The following YME1L1 variants were observed in gnomAD, a reference collection of about 807,000 sequenced individuals.
YME1L1 encodes YME1 like 1 ATPase, also known as ATP-dependent zinc metalloprotease YME1L1.
YME1L1 carries 39 observed loss-of-function variants against 90.4 expected under a neutral mutation model. The observed-to-expected ratio is 0.43, with a 90% confidence interval of 0.33 to 0.56. The LOEUF is 0.56. Ranked by LOEUF, YME1L1 falls within the 20% of genes least tolerant of loss-of-function variation. The pLI, the probability that YME1L1 is intolerant of heterozygous loss-of-function variation, is 0.03. For missense variants in YME1L1, 617 were observed against 868.4 expected (o/e 0.71, Z 3.64); for synonymous variants, 284 against 287.3 (o/e 0.99, Z 0.12).
rs1371803853 is a variant in YME1L1 at position 27,134,884 on chromosome 10, G to A, written c.638C>T (p.Thr213Ile). 2 of 1,614,062 alleles carry A rather than the reference G, an allele frequency of 1.2e-6. No individual in the cohort carries two copies. The highest frequency in any genetic ancestry group is 8.5e-7 in the Non-Finnish European group (1 of 1,179,994). ...IPEAHQDAFK[T>I]GFAEGFLKAQ... is the part of the protein sequence containing the mutation. ...TTTCAGAAAACCTTCCGCAAAACCA[G>A]TTTTAAATGCATCTTGGTGAGCTTC... The change falls in exon 6 of 19, where the codon ACT (threonine) becomes ATT (isoleucine). Residue 213 changes from threonine (T) to isoleucine (I), a missense_variant. Coordinates refer to ENST00000376016, the MANE Select transcript of YME1L1 (RefSeq NM_014263.4).
At chr10:27,133,398 A>G (rs1478658483) in intron 7 of YME1L1, among the ~76,000 whole-genome samples, 1 of 152,220 alleles carries the variant, frequency 6.6e-6, no homozygotes, top group East Asian at 1.9e-4. Context: ...TTTCCTCAGA[A>G]GAAGCCCAAA....
chr10:27,130,086 CCT>C (rs2056961711), intron 8 of YME1L1, among the ~76,000 whole-genome samples: 1 of 152,180 alleles, frequency 6.6e-6, no homozygotes, highest in Non-Finnish European at 1.5e-5. Context: ...GAATTTAACC[CCT>C]GCTACTCCAC....
chr10:27,129,104 A>AC (rs2056951141), intron 8 of YME1L1: 1 of 150,068 alleles, frequency 6.7e-6, no homozygotes, highest in South Asian at 2.1e-4. Flanking sequence ...AAAAAAAAAA[A>AC]AAAAAAAAAC....
chr10:27,151,278 G>GCC (rs1308269844), intron 1 of YME1L1, among the ~76,000 whole-genome samples: 1 of 152,162 alleles, frequency 6.6e-6, no homozygotes, highest in Non-Finnish European at 1.5e-5. Context: ...CTGGATCAGG[G>GCC]CCCACTTCCA....
chr10:27,115,929 G>T, intron 17 of YME1L1, 131 bp downstream of exon 17: 1 of 829,850 alleles, frequency 1.2e-6, no homozygotes, highest in Non-Finnish European at 1.9e-6. Flanking sequence ...ACAATGTTCA[G>T]AATAAAGAGC....
intron 4 of YME1L1, among the ~76,000 whole-genome samples, chr10:27,140,705 C>CT (rs1406393838): frequency 1.3e-5 from 2 of 151,968 alleles, no homozygotes; most frequent in African/African-American, 4.8e-5. Flanking sequence ...TCTTGAACTT[C>CT]TGACCTTGTG....
chr10:27,135,379 A>C (rs1489623202), intron 5 of YME1L1, among the ~76,000 whole-genome samples: 1 of 152,232 alleles, frequency 6.6e-6, no homozygotes, highest in Non-Finnish European at 1.5e-5. Context: ...GTAAAGATAA[A>C]TAAACCACTG....
intron 9 of YME1L1, among the ~76,000 whole-genome samples, 192 bp downstream of exon 9, chr10:27,126,504 T>C (rs1452034675): frequency 6.6e-6 from 1 of 151,880 alleles, no homozygotes; most frequent in Non-Finnish European, 1.5e-5. Context: ...TTTGAAAGTA[T>C]ATAAAAACTT....
In YME1L1 at chr10:27,127,819, G is replaced by A. The variant is rs561481923; in HGVS notation, c.859-1033C>T. ...AGTTTGTGAAAATTTATGGATTTGTGCACTGTTGTGTGAATTTGTTAAACT... is the reference window on the plus strand; with the variant it reads ...AGTTTGTGAAAATTTATGGATTTGTACACTGTTGTGTGAATTTGTTAAACT... On this transcript the variant is annotated intron_variant, in intron 8 of 18. Transcript: ENST00000376016. Among the ~76,000 whole-genome samples, 31 of 152,136 alleles carry A rather than the reference G, an allele frequency of 2.0e-4. No homozygotes were observed. The Middle Eastern group carries it at 0.01, about 50-fold the overall frequency.
chr10:27,153,639 G>A (rs913657335), intron 1 of YME1L1, among the ~76,000 whole-genome samples: 1 of 152,118 alleles, frequency 6.6e-6, no homozygotes, highest in Non-Finnish European at 1.5e-5. Context: ...AACAGTTTAC[G>A]ACTCGGAAAT....
At chr10:27,134,371 C>T (rs1256971763) in intron 6 of YME1L1, among the ~76,000 whole-genome samples, 3 of 152,124 alleles carry the variant, frequency 2.0e-5, no homozygotes, top group Non-Finnish European at 4.4e-5. Context: ...ATCACTTGAT[C>T]CCTGGAGTTC....
At position 27,134,047 on chromosome 10, in the gene YME1L1, A is replaced by T; in HGVS notation, c.767T>A (p.Phe256Tyr). 1 of 1,611,550 alleles carries T rather than the reference A, an allele frequency of 6.2e-7. No homozygotes were observed. Among genetic ancestry groups the T allele is most frequent in the Non-Finnish European group, 8.5e-7 (1 of 1,178,910 alleles). ...FGIYGLLKNP[F>Y]LSVRFRTTTG... ...ATAAAAAAAGCTTTTACCAGATAAA[A>T]ATGGGTTTTTTAGAAGTCCATAAAT... The change falls in exon 7 of 19, where the codon TTT (phenylalanine) becomes TAT (tyrosine). Residue 256 changes from phenylalanine (F) to tyrosine (Y), a missense_variant. Coordinates refer to ENST00000376016, the MANE Select transcript of YME1L1 (RefSeq NM_014263.4).
Position 27,111,748 on chromosome 10 carries a change from T to C in YME1L1, c.*229A>G. 1 of 620,708 alleles carries C rather than the reference T, an allele frequency of 1.6e-6. No homozygotes were observed. The highest frequency in any genetic ancestry group is 2.9e-6 in the Non-Finnish European group (1 of 342,716). 38.5% of individuals were successfully genotyped at this position (620,708 alleles called of 1,614,324 possible). A position where few individuals can be genotyped will look rare whatever the true frequency, so the allele number is the denominator to read the frequency against. On this transcript the variant is annotated 3_prime_UTR_variant, in exon 19 of 19. Transcript: ENST00000376016. The stretch of plus-strand genomic sequence containing the variant: ...TCAAAAGAGCTGTTTTCAATCCTGA[T>C]AGTTCTTTATTTTTTCAAAATATAT...
intron 1 of YME1L1, among the ~76,000 whole-genome samples, chr10:27,153,010 C>A (rs2057243121): frequency 6.6e-6 from 1 of 152,160 alleles, no homozygotes; most frequent in Non-Finnish European, 1.5e-5. Flanking sequence ...CAAGTCTTTT[C>A]TCCAACCTCT....
chr10:27,116,805 A>G (rs2056817611), intron 15 of YME1L1, among the ~76,000 whole-genome samples: 1 of 152,116 alleles, frequency 6.6e-6, no homozygotes, highest in Non-Finnish European at 1.5e-5. Context: ...AGGTGTGAGG[A>G]TCACTTGAGC....
At chr10:27,127,056 T>C (rs1182352010) in intron 8 of YME1L1, among the ~76,000 whole-genome samples, 1 of 152,212 alleles carries the variant, frequency 6.6e-6, no homozygotes, top group Non-Finnish European at 1.5e-5. Flanking sequence ...AAAAGTCAAG[T>C]ACATTGGACA....
At chr10:27,120,173 G>T (rs1189026427) in intron 13 of YME1L1, among the ~76,000 whole-genome samples, 1 of 151,992 alleles carries the variant, frequency 6.6e-6, no homozygotes, top group Non-Finnish European at 1.5e-5. Flanking sequence ...GTGTGTGTGT[G>T]TATGTATATG....
intron 4 of YME1L1, among the ~76,000 whole-genome samples, chr10:27,141,652 G>A (rs960341722): frequency 1.4e-5 from 2 of 141,948 alleles, no homozygotes; most frequent in Non-Finnish European, 3.0e-5. Flanking sequence ...ACACACAGAC[G>A]TCTTATTAGA....
chr10:27,149,769 T>TAAA (rs759244720), intron 1 of YME1L1, among the ~76,000 whole-genome samples: 1 of 66,480 alleles, frequency 1.5e-5, no homozygotes. Context: ...CATCCAACAT[T>TAAA]TAAAAAAAAA....
Sources: allele counts gnomAD v4.1 joint callset (sites outside exome capture counted in the v4.1 genomes callset), GRCh38; gene constraint gnomAD v4.1.1; transcripts MANE v1.5; gene names NCBI Gene and HGNC (gene_info 2026-07-23, HGNC 2026-07-21).